The following LRRC4C variants were observed in gnomAD, a reference collection of about 807,000 sequenced individuals.
LRRC4C encodes the protein leucine-rich repeat-containing protein 4C.
LRRC4C carries 5 observed loss-of-function variants against 33.6 expected under a neutral mutation model. The observed-to-expected ratio is 0.15, with a 90% CI of 0.08 to 0.31. LRRC4C has a LOEUF of 0.31. LRRC4C is among the 10% of genes least tolerant of loss of function. The pLI, the probability that LRRC4C is intolerant of heterozygous loss-of-function variation, is 1.00. For missense variants in LRRC4C, 560 were observed against 796.7 expected, an observed-to-expected ratio of 0.70 and a Z score of 3.58; for synonymous variants, 329 against 302.0, an observed-to-expected ratio of 1.09 and a Z score of -0.93.
At chr11:41,117,032 G>A (rs1942167841) in intron 1 of LRRC4C, among the ~76,000 whole-genome samples, 1 of 94,098 alleles carries the variant, frequency 1.1e-5, no homozygotes, top group Non-Finnish European at 2.4e-5. Flanking sequence ...CCAGTAGAAT[G>A]TCTAACAGTT....
At chr11:40,418,191 T>G (rs1189304217) in intron 3 of LRRC4C, among the ~76,000 whole-genome samples, 1 of 152,114 alleles carries the variant, frequency 6.6e-6, no homozygotes, top group African/African-American at 2.4e-5. Context: ...GAAGAAAATT[T>G]TTGCAATCTA....
chr11:41,306,568 T>C (rs1161512787), intron 1 of LRRC4C, among the ~76,000 whole-genome samples: 1 of 152,180 alleles, frequency 6.6e-6, no homozygotes. Context: ...TATCCTGCAG[T>C]GAATGTGTCA....
chr11:40,252,608 G>A (rs1866876407), intron 4 of LRRC4C, among the ~76,000 whole-genome samples: 1 of 152,166 alleles, frequency 6.6e-6, no homozygotes, highest in South Asian at 2.1e-4. Context: ...TCTGTGTGGA[G>A]CAGAGATAGC....
intron 1 of LRRC4C, among the ~76,000 whole-genome samples, chr11:41,115,728 T>C (rs1343230094): frequency 6.6e-6 from 1 of 152,146 alleles, no homozygotes; most frequent in Non-Finnish European, 1.5e-5. Context: ...TTCTAAGTTC[T>C]CTAAAGGTAA....
chr11:41,451,532 A>G (rs1483004629), intron 1 of LRRC4C, among the ~76,000 whole-genome samples: 1 of 152,092 alleles, frequency 6.6e-6, no homozygotes, highest in Non-Finnish European at 1.5e-5. Flanking sequence ...TGAAAATCAA[A>G]CTTGAAGCAG....
intron 2 of LRRC4C, among the ~76,000 whole-genome samples, chr11:40,722,554 G>T (rs1947076493): frequency 6.6e-6 from 1 of 152,128 alleles, no homozygotes; most frequent in Non-Finnish European, 1.5e-5. Flanking sequence ...AACATACACT[G>T]CAGTCAAACA....
intron 6 of LRRC4C, among the ~76,000 whole-genome samples, chr11:40,139,740 A>C (rs1011839327): frequency 6.6e-6 from 1 of 152,252 alleles, no homozygotes; most frequent in African/African-American, 2.4e-5. Flanking sequence ...TTTGTGAGCA[A>C]TGAATAGGTC....
At chr11:40,768,215 A>G (rs1045107638) in intron 2 of LRRC4C, among the ~76,000 whole-genome samples, 8 of 151,978 alleles carry the variant, frequency 5.3e-5, no homozygotes, top group Non-Finnish European at 1.2e-4. Flanking sequence ...TGAAAAGCCT[A>G]GAAAAAATGG....
chr11:41,039,851 A>G (rs1218461448), intron 1 of LRRC4C, among the ~76,000 whole-genome samples: 1 of 152,052 alleles, frequency 6.6e-6, no homozygotes, highest in Non-Finnish European at 1.5e-5. Flanking sequence ...GTGTTAAAAT[A>G]TGACTTGAGG....
chr11:40,595,112 A>G (rs1959202207), intron 3 of LRRC4C, among the ~76,000 whole-genome samples: 1 of 152,064 alleles, frequency 6.6e-6, no homozygotes, highest in South Asian at 2.1e-4. Flanking sequence ...TCCCAAGATA[A>G]TAGTGTTAAA....
At chr11:41,034,458 C>CAT (rs1246536757) in intron 1 of LRRC4C, among the ~76,000 whole-genome samples, 1 of 129,010 alleles carries the variant, frequency 7.8e-6, no homozygotes. Context: ...ACACACACAC[C>CAT]ATATATATAT....
At chr11:40,301,346 G>A (rs1297233967) in intron 4 of LRRC4C, among the ~76,000 whole-genome samples, 2 of 152,148 alleles carry the variant, frequency 1.3e-5, no homozygotes, top group Non-Finnish European at 2.9e-5. Flanking sequence ...TGTGTGCATA[G>A]ATACTATGTG....
chr11:40,142,386 A>G (rs1416124683), intron 5 of LRRC4C, among the ~76,000 whole-genome samples: 2 of 152,038 alleles, frequency 1.3e-5, no homozygotes, highest in African/African-American at 4.8e-5. Context: ...ATGAAATATG[A>G]ATCGGAATTT....
chr11:41,298,757 G>C (rs1950209324), intron 1 of LRRC4C, among the ~76,000 whole-genome samples: 1 of 152,042 alleles, frequency 6.6e-6, no homozygotes, highest in African/African-American at 2.4e-5. Flanking sequence ...AGTGTACATT[G>C]TACCCATTAA....
At chr11:40,458,364 G>T (rs1440121) in intron 3 of LRRC4C, among the ~76,000 whole-genome samples, 6,199 of 152,152 alleles carry the variant, frequency 0.041, 405 homozygotes, top group African/African-American at 0.14. Context: ...AATTCTGTGA[G>T]GCAAATATTT....
intron 3 of LRRC4C, among the ~76,000 whole-genome samples, chr11:40,597,326 T>TG (rs1959450812): frequency 6.6e-6 from 1 of 152,152 alleles, no homozygotes; most frequent in African/African-American, 2.4e-5. Flanking sequence ...CATGGTTCAG[T>TG]GGTTGGCCTG....
intron 3 of LRRC4C, among the ~76,000 whole-genome samples, chr11:40,604,835 AAG>A (rs1280732883): frequency 6.6e-6 from 1 of 152,036 alleles, no homozygotes; most frequent in Non-Finnish European, 1.5e-5. Context: ...GGGAAAGAAA[AAG>A]AATAAAAATA....
intron 1 of LRRC4C, among the ~76,000 whole-genome samples, chr11:40,987,642 TATATATATATCTC>T (rs1565274315): frequency 0.012 from 696 of 59,734 alleles, 39 homozygotes; most frequent in Non-Finnish European, 0.018. Context: ...TATATATATA[TATATATATATCTC>T]ATATATATGA....
rs182785525 is a variant in LRRC4C, at chr11:41,395,079, G to T, written c.-496+64352C>A. ...AACGTTCACATGTCCCATTAACCAG[G>T]AGACACAATCCTGGTTTAAATAGCA... On this transcript the variant is annotated intron_variant, in intron 1 of 6. Transcript: ENST00000528697. Among the ~76,000 whole-genome samples the T allele has an allele frequency of 1.8e-4, 28 of 151,964 alleles. No homozygotes were observed. The East Asian group carries it at 5.5e-3, about 30-fold the overall frequency.
Sources: gnomAD v4.1 joint callset for allele counts (sites outside exome capture counted in the v4.1 genomes callset) on GRCh38, gnomAD v4.1.1 for gene constraint, MANE v1.5 for transcripts, NCBI Gene and HGNC (gene_info 2026-07-23, HGNC 2026-07-21) for gene names.